The following PPP2R1B variants were observed in gnomAD, a reference collection of about 807,000 sequenced individuals.
PPP2R1B encodes the protein serine/threonine-protein phosphatase 2A 65 kDa regulatory subunit A beta isoform.
A neutral mutation model predicts 72.7 loss-of-function variants in PPP2R1B; 58 were observed. The ratio of observed to expected loss-of-function variants is 0.80; its 90% CI spans 0.65 to 0.99. The LOEUF is 0.99. Among genes scored for constraint, PPP2R1B ranks in the 50% least tolerant of loss-of-function variants. PPP2R1B has a pLI of 0.00. For missense variants in PPP2R1B, 695 were observed against 733.6 expected, an observed-to-expected ratio of 0.95 and a Z score of 0.61; for synonymous variants, 256 against 264.6, an observed-to-expected ratio of 0.97 and a Z score of 0.32.
the PPP2R1B span, among the ~76,000 whole-genome samples, chr11:111,702,714 C>T: frequency 6.6e-6 from 1 of 152,246 alleles, no homozygotes; most frequent in East Asian, 1.9e-4. Flanking sequence ...TGCAGCAGTG[C>T]GGTTTTCTTG....
chr11:111,725,111 G>T (rs1307957206), downstream of PPP2R1B: 1 of 152,672 alleles, frequency 6.5e-6, no homozygotes, highest in Admixed American at 6.5e-5. Context: ...ATAGGGCTTA[G>T]AGATTTTAAG....
At chr11:111,701,210 A>G in the PPP2R1B span, among the ~76,000 whole-genome samples, 1 of 152,230 alleles carries the variant, frequency 6.6e-6, no homozygotes, top group Non-Finnish European at 1.5e-5. The surrounding 1 kb of genome is among the most constrained non-coding windows in gnomAD (Gnocchi z 4.2). Flanking sequence ...TCATCCTAAT[A>G]TCAGCAGTAA....
chr11:111,698,778 G>A, the PPP2R1B span, among the ~76,000 whole-genome samples: 4 of 152,270 alleles, frequency 2.6e-5, no homozygotes, highest in South Asian at 8.3e-4. Context: ...CAATTTACAG[G>A]CACTAAAACT....
intron 11 of PPP2R1B, among the ~76,000 whole-genome samples, chr11:111,744,121 GTTAGACAA>G (rs1445572277): frequency 6.6e-6 from 1 of 152,208 alleles, no homozygotes; most frequent in African/African-American, 2.4e-5. Flanking sequence ...AGACTTCTAA[GTTAGACAA>G]TTAGGGTGGA....
chr11:111,721,841 TCAG>T, the PPP2R1B span: 1 of 1,607,550 alleles, frequency 6.2e-7, no homozygotes, highest in Admixed American at 1.7e-5. Flanking sequence ...AAGAAGTTTC[TCAG>T]CAGCAGGAAA....
chr11:111,757,936 T>C (rs1945184820), intron 5 of PPP2R1B, among the ~76,000 whole-genome samples: 3 of 151,942 alleles, frequency 2.0e-5, no homozygotes, highest in Non-Finnish European at 2.9e-5. Context: ...GATGACACCA[T>C]CATCCACCCA....
chr11:111,758,516 G>A (rs111881228), intron 5 of PPP2R1B, among the ~76,000 whole-genome samples: 11 of 152,172 alleles, frequency 7.2e-5, no homozygotes, highest in African/African-American at 2.7e-4. Context: ...CTTGAACCCG[G>A]GAGGCAGAGG....
At chr11:111,713,300 A>G in the PPP2R1B span, among the ~76,000 whole-genome samples, 1 of 152,244 alleles carries the variant, frequency 6.6e-6, no homozygotes, top group Admixed American at 6.5e-5. Flanking sequence ...ACTTAGCATA[A>G]GCGATGTATA....
the PPP2R1B span, chr11:111,720,051 A>C: frequency 6.4e-7 from 1 of 1,558,558 alleles, no homozygotes; most frequent in Non-Finnish European, 8.7e-7. Flanking sequence ...GCATCATGTC[A>C]TACTCCAATT....
At chr11:111,704,195 G>A in the PPP2R1B span, among the ~76,000 whole-genome samples, 4 of 152,154 alleles carry the variant, frequency 2.6e-5, no homozygotes, top group Non-Finnish European at 5.9e-5. Flanking sequence ...ATGTTTTTCT[G>A]TACTTGTCCA....
Position 111,758,656 on chromosome 11 carries a change from GATA to G in PPP2R1B, c.687+1145_687+1147del, listed in dbSNP as rs375192194. On this transcript the variant is annotated intron_variant, in intron 5 of 14. Coordinates refer to ENST00000527614, the MANE Select transcript of PPP2R1B (RefSeq NM_002716.5). The stretch of plus-strand genomic sequence containing the variant: ...AGGCTGCGCTTACCATAAAAGTCAG[GATA>G]ATGTTACTCTTAAGGAAATGGAGTG... 7.9e-3 allele frequency among the ~76,000 whole-genome samples: 1,207 copies of G among 152,196 alleles called. 25 individuals carry two copies. Among genetic ancestry groups the G allele is most frequent in the African/African-American group, 0.027 (1,126 of 41,532 alleles).
chr11:111,723,489 A>G (rs1489608716), downstream of PPP2R1B: 18 of 1,583,710 alleles, frequency 1.1e-5, no homozygotes, highest in Non-Finnish European at 1.4e-5. Flanking sequence ...TGATATTACC[A>G]ATTTAGGCTC....
chr11:111,723,224 A>G (rs1171441086), downstream of PPP2R1B, among the ~76,000 whole-genome samples: 4 of 152,188 alleles, frequency 2.6e-5, no homozygotes, highest in South Asian at 2.1e-4. Flanking sequence ...CAGAAGGGAA[A>G]TCATCCTCTC....
At chr11:111,757,183 T>G (rs1261905476) in intron 5 of PPP2R1B, among the ~76,000 whole-genome samples, 1 of 151,952 alleles carries the variant, frequency 6.6e-6, no homozygotes, top group African/African-American at 2.4e-5. Context: ...TAGATTTGTG[T>G]ATTATACATA....
chr11:111,745,315 G>A (rs1028509659), intron 11 of PPP2R1B, among the ~76,000 whole-genome samples: 5 of 152,118 alleles, frequency 3.3e-5, no homozygotes, highest in African/African-American at 1.2e-4. Flanking sequence ...GCCTCCCAAA[G>A]TGCTGGGATT....
downstream of PPP2R1B, among the ~76,000 whole-genome samples, chr11:111,736,980 G>A (rs1020327343): frequency 6.6e-6 from 1 of 152,226 alleles, no homozygotes; most frequent in Non-Finnish European, 1.5e-5. Context: ...TCCACACAGA[G>A]TGGCATCCAA....
downstream of PPP2R1B, chr11:111,737,395 G>C: frequency 6.2e-7 from 1 of 1,612,930 alleles, no homozygotes; most frequent in Non-Finnish European, 8.5e-7. Flanking sequence ...ATGCCACCCT[G>C]GCTGCCCGCA....
In PPP2R1B at chr11:111,739,732, G is replaced by A. The variant is rs1201103135; in HGVS notation, c.*1864C>T. On this transcript the variant is annotated 3_prime_UTR_variant, in exon 15 of 15. Transcript: ENST00000527614. ...TCTCTCAAATATGAAATTCAATGAA[G>A]AAGAACATAACTTGCAGGTAACAAA... The A allele has an allele frequency of 1.0e-6, 1 of 983,730 alleles. No individual in the cohort carries two copies. Among genetic ancestry groups the A allele is most frequent in the African/African-American group, 1.7e-5 (1 of 57,194 alleles). 60.9% of individuals were successfully genotyped at this position (983,730 alleles called of 1,614,324 possible).
At chr11:111,756,587 A>C (rs1336819523) in intron 5 of PPP2R1B, among the ~76,000 whole-genome samples, 1 of 152,232 alleles carries the variant, frequency 6.6e-6, no homozygotes, top group African/African-American at 2.4e-5. Context: ...AGGCAGCATA[A>C]GATAATGACT....
Sources: allele counts gnomAD v4.1 joint callset (sites outside exome capture counted in the v4.1 genomes callset), GRCh38; gene constraint gnomAD v4.1.1; non-coding constraint Gnocchi (gnomAD v3.1); transcripts MANE v1.5; gene names NCBI Gene and HGNC (gene_info 2026-07-23, HGNC 2026-07-21).